Variants in KHDRBS1 observed in about 807,000 individuals in gnomAD.
KHDRBS1 encodes the protein KH domain-containing, RNA-binding, signal transduction-associated protein 1.
Under a neutral mutation model 48.4 loss-of-function variants are expected in KHDRBS1, and 7 were observed. The ratio of observed to expected loss-of-function variants is 0.14; its 90% CI spans 0.08 to 0.27. The LOEUF is 0.27. KHDRBS1 is among the 10% of genes least tolerant of loss of function. The pLI is 1.00. For missense variants in KHDRBS1, 458 were observed against 601.2 expected (o/e 0.76, Z 2.49); for synonymous variants, 241 against 235.8 (o/e 1.02, Z -0.20).
rs77919993 is a variant in KHDRBS1 at position 32,032,612 on chromosome 1, A to G, written c.625-576A>G. On this transcript the variant is annotated intron_variant, in intron 3 of 8. Coordinates refer to ENST00000327300, the MANE Select transcript of KHDRBS1 (RefSeq NM_006559.3). ...TAGTAGGAGCTCCAATGGATATCTC[A>G]GGGATTTAAGACAACAATTAACTGT... 8.1e-4 allele frequency among the ~76,000 whole-genome samples: 124 copies of G among 152,270 alleles called. 3 individuals carry two copies. In the East Asian group the frequency reaches 0.021, roughly 26 times the overall value.
intron 7 of KHDRBS1, among the ~76,000 whole-genome samples, chr1:32,039,109 T>C (rs1639237270): frequency 6.6e-6 from 1 of 152,218 alleles, no homozygotes; most frequent in East Asian, 1.9e-4. Context: ...TTTCTGCATT[T>C]CTCTTTAAGA....
chr1:32,014,614 C>T (rs1345195974), intron 1 of KHDRBS1, among the ~76,000 whole-genome samples: 1 of 152,224 alleles, frequency 6.6e-6, no homozygotes, highest in Non-Finnish European at 1.5e-5. Flanking sequence ...GCGCTAATGT[C>T]TTGATGGATA....
intron 1 of KHDRBS1, among the ~76,000 whole-genome samples, chr1:32,021,940 C>T (rs1482050455): frequency 6.6e-6 from 1 of 151,332 alleles, no homozygotes; most frequent in Non-Finnish European, 1.5e-5. Context: ...CGTGAGGCAC[C>T]ACACCCAGCG....
At chr1:32,045,900 G>C (rs904463674), downstream of KHDRBS1, among the ~76,000 whole-genome samples, 1 of 152,196 alleles carries the variant, frequency 6.6e-6, no homozygotes, top group African/African-American at 2.4e-5. Context: ...AGGTTTTAGA[G>C]AGGGAATATC....
intron 1 of KHDRBS1, among the ~76,000 whole-genome samples, chr1:32,016,845 T>G (rs568880331): frequency 6.6e-6 from 1 of 152,360 alleles, no homozygotes; most frequent in East Asian, 1.9e-4. Flanking sequence ...AGGAATCTTT[T>G]GTCTACTTTG....
intron 2 of KHDRBS1, among the ~76,000 whole-genome samples, chr1:32,030,642 A>G (rs1416188567): frequency 1.3e-5 from 2 of 152,192 alleles, no homozygotes; most frequent in Non-Finnish European, 2.9e-5. Flanking sequence ...TCTTTTTATT[A>G]TCAAAAAGTT....
At chr1:32,052,497 A>G (rs1280863186) in intron 10 of KHDRBS1, 1 of 151,596 alleles carries the variant, frequency 6.6e-6, no homozygotes, top group Admixed American at 6.6e-5. Context: ...TCCCAGGTTC[A>G]TGCCATTCTC....
At chr1:32,017,063 G>A (rs1325865273) in intron 1 of KHDRBS1, among the ~76,000 whole-genome samples, 2 of 152,100 alleles carry the variant, frequency 1.3e-5, no homozygotes, top group Non-Finnish European at 2.9e-5. Flanking sequence ...TTCAAGACCA[G>A]CCTGGCCAAC....
intron 1 of KHDRBS1, among the ~76,000 whole-genome samples, chr1:32,020,972 T>C (rs1638846024): frequency 6.6e-6 from 1 of 152,198 alleles, no homozygotes; most frequent in Non-Finnish European, 1.5e-5. Context: ...TAATTTTTTT[T>C]CCATGAAACC....
Position 32,013,913 on chromosome 1 carries a change from C to T in KHDRBS1, c.-83C>T. ...TCGGCTTCGGTCGCTACCGCTCCCGCTCTGCCACCCCCGCCAACCGCCGCT... is the reference window on the plus strand; with the variant it reads ...TCGGCTTCGGTCGCTACCGCTCCCGTTCTGCCACCCCCGCCAACCGCCGCT... On this transcript the variant is annotated 5_prime_UTR_variant, in exon 1 of 9. Transcript: ENST00000327300. 1.6e-6 allele frequency: 2 copies of T among 1,284,692 alleles called. No individual in the cohort carries two copies. The highest frequency in any genetic ancestry group is 4.1e-5 in the Admixed American group (1 of 24,500). 79.6% of individuals were successfully genotyped at this position (1,284,692 alleles called of 1,614,324 possible).
intron 10 of KHDRBS1, among the ~76,000 whole-genome samples, chr1:32,058,443 T>A (rs1410167332): frequency 6.6e-6 from 1 of 152,120 alleles, no homozygotes; most frequent in Non-Finnish European, 1.5e-5. Flanking sequence ...TGGTTTCCAA[T>A]TCACAGGGTG....
chr1:32,057,367 A>G (rs1024865407), intron 10 of KHDRBS1, among the ~76,000 whole-genome samples: 1 of 152,080 alleles, frequency 6.6e-6, no homozygotes, highest in East Asian at 1.9e-4. Flanking sequence ...CAAGATCTCA[A>G]TCTGTTGCCC....
intron 1 of KHDRBS1, among the ~76,000 whole-genome samples, chr1:32,026,194 G>A (rs1638967977): frequency 6.6e-6 from 1 of 151,728 alleles, no homozygotes; most frequent in African/African-American, 2.4e-5. Context: ...TTTGAGACAG[G>A]GCCTTACTCT....
intron 10 of KHDRBS1, among the ~76,000 whole-genome samples, chr1:32,057,583 G>A (rs1276979873): frequency 7.1e-6 from 1 of 140,128 alleles, no homozygotes; most frequent in Admixed American, 7.1e-5. Context: ...GGCGGATCAC[G>A]AGGTCAGGAG....
At chr1:32,039,879 T>C (rs1261199771) in intron 8 of KHDRBS1, among the ~76,000 whole-genome samples, 1 of 152,102 alleles carries the variant, frequency 6.6e-6, no homozygotes, top group African/African-American at 2.4e-5. Context: ...ATGTTATTTT[T>C]TTTCTACTTT....
chr1:32,022,108 C>T (rs1403055839), intron 1 of KHDRBS1, among the ~76,000 whole-genome samples: 1 of 152,050 alleles, frequency 6.6e-6, no homozygotes, highest in Non-Finnish European at 1.5e-5. Flanking sequence ...GCTGAGACTA[C>T]AGGAGCGCGC....
chr1:32,025,427 A>G (rs967170151), intron 1 of KHDRBS1, among the ~76,000 whole-genome samples: 1 of 149,940 alleles, frequency 6.7e-6, no homozygotes, highest in Non-Finnish European at 1.5e-5. Flanking sequence ...CAGCCTCCCA[A>G]ACAGTTGGGA....
intron 2 of KHDRBS1, among the ~76,000 whole-genome samples, chr1:32,030,706 C>G (rs766004946): frequency 6.6e-6 from 1 of 152,014 alleles, no homozygotes; most frequent in African/African-American, 2.4e-5. Context: ...AAATTAAAAC[C>G]TGAAGAGTTG....
chr1:32,025,916 A>AATAT (rs201144900), intron 1 of KHDRBS1, among the ~76,000 whole-genome samples: 44 of 145,916 alleles, frequency 3.0e-4, no homozygotes, highest in African/African-American at 4.6e-4. Flanking sequence ...AGCTAATTTA[A>AATAT]ATATATATAT....
Sources: allele counts gnomAD v4.1 joint callset (sites outside exome capture counted in the v4.1 genomes callset), GRCh38; gene constraint gnomAD v4.1.1; transcripts MANE v1.5; gene names NCBI Gene and HGNC (gene_info 2026-07-23, HGNC 2026-07-21).